GRIK2: variants seen among roughly 807,000 people sequenced by gnomAD.
GRIK2 encodes the protein glutamate receptor ionotropic, kainate 2.
A neutral mutation model predicts 100.3 loss-of-function variants in GRIK2; 32 were observed. The ratio of observed to expected loss-of-function variants is 0.32; its 90% CI spans 0.24 to 0.43. GRIK2 has a LOEUF of 0.43. GRIK2 is among the 20% of genes least tolerant of loss of function. The probability of loss-of-function intolerance (pLI) is 1.00; values close to 1 mark genes in which losing one functional copy is unlikely to be tolerated. For missense variants in GRIK2, 843 were observed against 1,114.9 expected (o/e 0.76, Z 3.47); for synonymous variants, 417 against 389.4 (o/e 1.07, Z -0.83).
intron 2 of GRIK2, among the ~76,000 whole-genome samples, chr6:101,520,174 A>G (rs1562197280): frequency 2.0e-5 from 3 of 151,110 alleles, no homozygotes; most frequent in Non-Finnish European, 4.4e-5. Flanking sequence ...TCTTCTTTTT[A>G]TTATAAATGG....
intron 2 of GRIK2, among the ~76,000 whole-genome samples, chr6:101,523,132 C>CA (rs34044896): frequency 0.45 from 67,880 of 151,730 alleles, 15,311 homozygotes; most frequent in South Asian, 0.58. Flanking sequence ...ATATGCTTGA[C>CA]CTATTTTGAG....
intron 2 of GRIK2, among the ~76,000 whole-genome samples, chr6:101,585,200 A>G (rs1778298153): frequency 6.6e-6 from 1 of 152,094 alleles, no homozygotes; most frequent in South Asian, 2.1e-4. Flanking sequence ...CGTTTGGTCA[A>G]AAGTTATCGA....
chr6:101,807,502 A>G (rs1268615175), intron 9 of GRIK2, among the ~76,000 whole-genome samples: 1 of 152,018 alleles, frequency 6.6e-6, no homozygotes, highest in Non-Finnish European at 1.5e-5. Context: ...ACAGGAAGGG[A>G]GACAGCCTTC....
chr6:101,857,691 A>G (rs1415738025), intron 10 of GRIK2, among the ~76,000 whole-genome samples: 2 of 152,204 alleles, frequency 1.3e-5, no homozygotes, highest in African/African-American at 2.4e-5. Flanking sequence ...AGCAGAACCA[A>G]TTGTTGCACC....
chr6:102,068,614 G>C lies in GRIK2; in HGVS notation c.*103G>C, dbSNP rs561557569. On this transcript the variant is annotated 3_prime_UTR_variant, in exon 17 of 17. Coordinates refer to ENST00000369134, the MANE Select transcript of GRIK2 (RefSeq NM_021956.5). ...ATGCAACCTGTGCAAAATAAAATGA[G>C]TTACCTCATGCCGCTGTGTCTATGA... 1 of 907,146 alleles carries C rather than the reference G, an allele frequency of 1.1e-6. No homozygotes were observed. The allele number at this position is 907,146 out of a possible 1,614,324, so 56.2% of individuals were successfully genotyped here. A position where few individuals can be genotyped will look rare whatever the true frequency, so the allele number is the denominator to read the frequency against.
chr6:101,811,187 G>T (rs1781305995), intron 9 of GRIK2, among the ~76,000 whole-genome samples: 2 of 151,990 alleles, frequency 1.3e-5, no homozygotes. Flanking sequence ...TTCTAAGATG[G>T]AGAGTCTGCA....
intron 5 of GRIK2, among the ~76,000 whole-genome samples, chr6:101,678,482 T>C (rs1771002487): frequency 6.6e-6 from 1 of 152,126 alleles, no homozygotes; most frequent in South Asian, 2.1e-4. Flanking sequence ...AGAGCGACAT[T>C]ATTATACAGT....
chr6:102,021,212 T>C (rs1230271716), intron 14 of GRIK2, among the ~76,000 whole-genome samples: 1 of 151,760 alleles, frequency 6.6e-6, no homozygotes, highest in East Asian at 1.9e-4. Context: ...CAGTCTAAGA[T>C]GTTGTTATTA....
intron 10 of GRIK2, among the ~76,000 whole-genome samples, chr6:101,828,581 A>G (rs994737075): frequency 2.0e-5 from 3 of 151,950 alleles, no homozygotes; most frequent in Non-Finnish European, 2.9e-5. Context: ...TGAACACAAC[A>G]TATGTGATAT....
At chr6:101,988,995 A>G (rs1026345126) in intron 14 of GRIK2, among the ~76,000 whole-genome samples, 26 of 152,116 alleles carry the variant, frequency 1.7e-4, no homozygotes, top group African/African-American at 6.3e-4. Flanking sequence ...AATTAGGATG[A>G]TAATATCACA....
intron 12 of GRIK2, among the ~76,000 whole-genome samples, chr6:101,901,938 A>G (rs1787873636): frequency 6.6e-6 from 1 of 151,998 alleles, no homozygotes. Flanking sequence ...AAATCCTTCT[A>G]CTTCACCATG....
At chr6:101,412,020 A>T (rs1775907363) in intron 2 of GRIK2, among the ~76,000 whole-genome samples, 1 of 152,048 alleles carries the variant, frequency 6.6e-6, no homozygotes, top group Non-Finnish European at 1.5e-5. Context: ...CCATGAATAC[A>T]TCCTAATGGT....
intron 7 of GRIK2, among the ~76,000 whole-genome samples, chr6:101,753,971 C>T (rs1029011835): frequency 3.3e-5 from 5 of 151,576 alleles, no homozygotes; most frequent in Non-Finnish European, 1.5e-5. Flanking sequence ...TGAAGCTATC[C>T]AATATTGTAA....
At chr6:101,565,960 A>AT (rs1200173639) in intron 2 of GRIK2, among the ~76,000 whole-genome samples, 1 of 128,236 alleles carries the variant, frequency 7.8e-6, no homozygotes, top group African/African-American at 3.2e-5. Flanking sequence ...TATATATATA[A>AT]GCAAACTAGA....
In GRIK2 at chr6:101,818,352, A is replaced by G. The variant is rs766247996; in HGVS notation, c.1204-18A>G. ...GTGCCTGATGGACAATTTACAAAGT[A>G]CATATGCTATTTTATAGATTGGAAC... On this transcript the variant is annotated intron_variant, in intron 9 of 16. Transcript: ENST00000369134. 1 of 1,378,814 alleles carries G rather than the reference A, an allele frequency of 7.3e-7. No individual in the cohort carries two copies. Among genetic ancestry groups the G allele is most frequent in the South Asian group, 1.2e-5 (1 of 85,908 alleles). 85.4% of individuals were successfully genotyped at this position (1,378,814 alleles called of 1,614,324 possible). A position where few individuals can be genotyped will look rare whatever the true frequency, so the allele number is the denominator to read the frequency against.
At chr6:101,810,608 T>C (rs933945699) in intron 9 of GRIK2, among the ~76,000 whole-genome samples, 1 of 152,080 alleles carries the variant, frequency 6.6e-6, no homozygotes, top group African/African-American at 2.4e-5. Flanking sequence ...ACATAGGCTT[T>C]GCTGTAAAAT....
At chr6:101,716,211 TAATC>T (rs1267881195) in intron 7 of GRIK2, among the ~76,000 whole-genome samples, 7 of 151,672 alleles carry the variant, frequency 4.6e-5, no homozygotes. Flanking sequence ...GTTTAATTAA[TAATC>T]AATTAATAGT....
At chr6:101,544,431 C>G (rs1174129932) in intron 2 of GRIK2, among the ~76,000 whole-genome samples, 3 of 152,124 alleles carry the variant, frequency 2.0e-5, no homozygotes, top group African/African-American at 7.2e-5. Flanking sequence ...TCTGTGTACC[C>G]CGGGGGAATG....
At chr6:101,509,383 C>A (rs550135387) in intron 2 of GRIK2, among the ~76,000 whole-genome samples, 1 of 152,102 alleles carries the variant, frequency 6.6e-6, no homozygotes. Flanking sequence ...AGTCCTAGAA[C>A]ATTGTGTGTG....
Sources: allele counts gnomAD v4.1 joint callset (sites outside exome capture counted in the v4.1 genomes callset), GRCh38; gene constraint gnomAD v4.1.1; transcripts MANE v1.5; gene names NCBI Gene and HGNC (gene_info 2026-07-23, HGNC 2026-07-21).